Variants in SNAP47 observed in about 807,000 individuals in gnomAD.
The protein encoded by SNAP47 is synaptosomal-associated protein 47.
A neutral mutation model predicts 31.4 loss-of-function variants in SNAP47; 20 were observed. That is an observed-to-expected ratio of 0.64 (90% CI 0.45 to 0.93). SNAP47 has a LOEUF of 0.93. Among genes scored for constraint, SNAP47 ranks in the 40% least tolerant of loss-of-function variants. The probability of loss-of-function intolerance (pLI) is 0.00; values close to 1 mark genes in which losing one functional copy is unlikely to be tolerated. For synonymous variants in SNAP47, 194 were observed against 213.4 expected, an observed-to-expected ratio of 0.91 and a Z score of 0.79; for missense variants, 492 against 528.5, an observed-to-expected ratio of 0.93 and a Z score of 0.68.
Position 227,780,753 on chromosome 1 carries a change from A to G in SNAP47, c.*80A>G. The G allele has an allele frequency of 6.3e-7, 1 of 1,582,984 alleles. No individual in the cohort carries two copies. The highest frequency in any genetic ancestry group is 8.6e-7 in the Non-Finnish European group (1 of 1,163,368). On this transcript the variant is annotated 3_prime_UTR_variant, in exon 5 of 5. Coordinates refer to ENST00000617596, the MANE Select transcript of SNAP47 (RefSeq NM_053052.4). Reference sequence around the variant, plus strand: ...GGCTGGGCGGCAGTGCCAGGGCTGCAGAGGCCTGTGGCCCTCCGGAGTGGT... The same window carrying G: ...GGCTGGGCGGCAGTGCCAGGGCTGCGGAGGCCTGTGGCCCTCCGGAGTGGT...
intron 1 of SNAP47, among the ~76,000 whole-genome samples, chr1:227,742,867 T>C (rs1373125150): frequency 6.6e-6 from 1 of 152,184 alleles, no homozygotes. Context: ...GCAGACATCT[T>C]TGTGTCCCCA....
chr1:227,776,460 G>A (rs926609728), intron 4 of SNAP47: 15 of 985,902 alleles, frequency 1.5e-5, no homozygotes, highest in East Asian at 2.3e-4. Flanking sequence ...TCTGATTTGC[G>A]CCTCGCCTCT....
At chr1:227,779,549 C>T (rs1054298905) in intron 4 of SNAP47, among the ~76,000 whole-genome samples, 1 of 151,972 alleles carries the variant, frequency 6.6e-6, no homozygotes, top group Non-Finnish European at 1.5e-5. Context: ...GGTTCCTTCT[C>T]CTGACCTAAG....
chr1:227,733,942 G>T (rs758569837), upstream of SNAP47: 5 of 1,613,810 alleles, frequency 3.1e-6, no homozygotes, highest in African/African-American at 6.7e-5. Context: ...CAAAGCGGTA[G>T]TCATCCACAT....
At chr1:227,776,692 T>C (rs1354920283) in intron 4 of SNAP47, 5 of 985,372 alleles carry the variant, frequency 5.1e-6, no homozygotes, top group African/African-American at 1.7e-5. Flanking sequence ...AAAAAGAATC[T>C]GGACCTGCAC....
rs1163904989 is a variant in SNAP47, at chr1:227,741,006, C to T, written c.-46+5507C>T. 7.0e-6 allele frequency among the ~76,000 whole-genome samples: 1 copy of T among 143,410 alleles called. No homozygotes were observed. The allele number at this position is 143,410 out of a possible 152,430, so 94.1% of individuals were successfully genotyped here. On this transcript the variant is annotated intron_variant, in intron 1 of 4. Transcript: ENST00000617596. This position sits in a 1 kb window ranked among gnomAD's most constrained non-coding sequence, Gnocchi z 4.2. ...TGCCTGTTAGGGTCAGGGACAGATG[C>T]CCAGCGGGTGATAGGGGAGGGCCTG...
At chr1:227,728,349 G>A (rs966501971), upstream of SNAP47, among the ~76,000 whole-genome samples, 6 of 149,886 alleles carry the variant, frequency 4.0e-5, no homozygotes, top group South Asian at 4.2e-4. Flanking sequence ...CCACCGGAGC[G>A]GGGGGGGCGG....
Position 227,741,896 on chromosome 1 carries a change from T to G in SNAP47, c.-45-5796T>G, listed in dbSNP as rs1057187023. The stretch of plus-strand genomic sequence containing the variant: ...AAGGGTGGCTACAAGTTTCTCTTCT[T>G]GCTTCTTCCTGGGCTGTTGTCAAAC... On this transcript the variant is annotated intron_variant, in intron 1 of 4. Transcript: ENST00000617596. This position sits in a 1 kb window ranked among gnomAD's most constrained non-coding sequence, Gnocchi z 4.2. 2.7e-5 allele frequency among the ~76,000 whole-genome samples: 4 copies of G among 149,316 alleles called. No homozygotes were observed. Among genetic ancestry groups the G allele is most frequent in the Non-Finnish European group, 5.9e-5 (4 of 67,826 alleles).
chr1:227,742,036 T>C (rs906217901), intron 1 of SNAP47, among the ~76,000 whole-genome samples: 1 of 151,978 alleles, frequency 6.6e-6, no homozygotes. Context: ...TATTTTATTT[T>C]ATTATTATTA....
intron 4 of SNAP47, among the ~76,000 whole-genome samples, chr1:227,778,297 T>C (rs1241524869): frequency 2.0e-5 from 3 of 152,192 alleles, no homozygotes; most frequent in African/African-American, 2.4e-5. Flanking sequence ...GCCATGGTCA[T>C]GGAGAGGGCA....
At chr1:227,761,409 C>A (rs1274853107) in intron 3 of SNAP47, among the ~76,000 whole-genome samples, 1 of 152,196 alleles carries the variant, frequency 6.6e-6, no homozygotes, top group Non-Finnish European at 1.5e-5. Flanking sequence ...AACCTACCAC[C>A]TTTCTGTATA....
intron 4 of SNAP47, chr1:227,776,281 T>C: frequency 9.9e-7 from 1 of 1,010,768 alleles, no homozygotes; most frequent in Non-Finnish European, 1.2e-6. Context: ...CAGCCTGGAT[T>C]GTACTGTCCT....
rs183318496 is a variant in SNAP47, at chr1:227,776,179, A to C, written c.1114-4348A>C. Reference sequence around the variant, plus strand: ...CCGCTCAGGACCACAGAGTCTGGCCATGGGTCTGGCCAGGCATCCACTGAT... The same window carrying C: ...CCGCTCAGGACCACAGAGTCTGGCCCTGGGTCTGGCCAGGCATCCACTGAT... On this transcript the variant is annotated intron_variant, in intron 4 of 4. Transcript: ENST00000617596. 6.0e-3 allele frequency: 6,749 copies of C among 1,133,886 alleles called. 32 individuals are homozygous for C. The highest frequency in any genetic ancestry group is 6.6e-3 in the Non-Finnish European group (5,972 of 910,528). The allele number at this position is 1,133,886 out of a possible 1,614,324, so 70.2% of individuals were successfully genotyped here. A position where few individuals can be genotyped will look rare whatever the true frequency, so the allele number is the denominator to read the frequency against.
At chr1:227,769,666 C>T (rs1169591326) in intron 4 of SNAP47, among the ~76,000 whole-genome samples, 1 of 152,084 alleles carries the variant, frequency 6.6e-6, no homozygotes, top group East Asian at 1.9e-4. Flanking sequence ...ACGGCGAGCC[C>T]TTCTGTCTCT....
chr1:227,771,140 C>G (rs764243465), intron 4 of SNAP47, among the ~76,000 whole-genome samples: 29 of 152,212 alleles, frequency 1.9e-4, no homozygotes, highest in South Asian at 4.1e-4. Context: ...CTTCTCCACT[C>G]AGGCTCTCAG....
chr1:227,734,539 A>G (rs1053589605), upstream of SNAP47: 10 of 965,232 alleles, frequency 1.0e-5, no homozygotes, highest in South Asian at 1.1e-4. Context: ...AAAGTGCCTC[A>G]CGGGGAAAAA....
chr1:227,775,079 G>A (rs1664072314), intron 4 of SNAP47, among the ~76,000 whole-genome samples: 1 of 152,216 alleles, frequency 6.6e-6, no homozygotes, highest in South Asian at 2.1e-4. Context: ...GGGGGGCCCT[G>A]CATCTGCCCC....
chr1:227,767,679 TG>T lies in SNAP47; in HGVS notation c.1113+597del, dbSNP rs1430469850. ...TGTACTGTGCATGGGCATGTGTATA[TG>T]TGCATGTCTTGTGTGTGGAGCGTGC... On this transcript the variant is annotated intron_variant, in intron 4 of 4. Coordinates refer to ENST00000617596, the MANE Select transcript of SNAP47 (RefSeq NM_053052.4). 4.6e-5 allele frequency among the ~76,000 whole-genome samples: 6 copies of T among 129,188 alleles called. No individual in the cohort carries two copies. In the Admixed American group the frequency reaches 4.8e-4, roughly 10 times the overall value. 84.8% of individuals were successfully genotyped at this position (129,188 alleles called of 152,430 possible). A position where few individuals can be genotyped will look rare whatever the true frequency, so the allele number is the denominator to read the frequency against.
chr1:227,737,142 A>C (rs750439306), intron 1 of SNAP47, among the ~76,000 whole-genome samples: 1 of 152,240 alleles, frequency 6.6e-6, no homozygotes, highest in South Asian at 2.1e-4. Context: ...AAGTGGGGCC[A>C]TGGGGGACCC....
Sources: gnomAD v4.1 joint callset for allele counts (sites outside exome capture counted in the v4.1 genomes callset) on GRCh38, gnomAD v4.1.1 for gene constraint, Gnocchi (gnomAD v3.1) non-coding constraint, MANE v1.5 for transcripts, NCBI Gene and HGNC (gene_info 2026-07-23, HGNC 2026-07-21) for gene names.